The following NKAIN2 variants were observed in gnomAD, a reference collection of about 807,000 sequenced individuals.
The protein encoded by NKAIN2 is sodium/potassium-transporting ATPase subunit beta-1-interacting protein 2.
NKAIN2 carries 14 observed loss-of-function variants against 32.6 expected under a neutral mutation model. The observed-to-expected ratio is 0.43, with a 90% CI of 0.28 to 0.67. The LOEUF is 0.67. Among genes scored for constraint, NKAIN2 ranks in the 30% least tolerant of loss-of-function variants. The pLI is 0.17. For missense variants in NKAIN2, 198 were observed against 258.3 expected, an observed-to-expected ratio of 0.77 and a Z score of 1.60; for synonymous variants, 80 against 87.2, an observed-to-expected ratio of 0.92 and a Z score of 0.46.
At chr6:124,322,663 T>C (rs1797246952) in intron 2 of NKAIN2, among the ~76,000 whole-genome samples, 1 of 152,204 alleles carries the variant, frequency 6.6e-6, no homozygotes, top group Non-Finnish European at 1.5e-5. Flanking sequence ...AATTAAATAT[T>C]GTAGGACATT....
At chr6:124,664,161 GCTACT>G (rs1772645809) in intron 4 of NKAIN2, among the ~76,000 whole-genome samples, 1 of 151,878 alleles carries the variant, frequency 6.6e-6, no homozygotes, top group Non-Finnish European at 1.5e-5. Context: ...TGTCATCCCA[GCTACT>G]CGGGAGGCTG....
chr6:124,635,057 GAGAAAGAAAGAGAAAAAAGACAA>G (rs796496131), intron 3 of NKAIN2, among the ~76,000 whole-genome samples: 1,583 of 149,928 alleles, frequency 0.011, 30 homozygotes, highest in African/African-American at 0.037. Flanking sequence ...GAAGGAAAGA[GAGAAAGAAAGAGAAAAAAGACAA>G]AGAAAGAAAG....
chr6:124,551,191 AAAATTAAACTGGATAAGGGAAC>A (rs1168301579), intron 3 of NKAIN2, among the ~76,000 whole-genome samples: 3 of 152,218 alleles, frequency 2.0e-5, no homozygotes, highest in African/African-American at 7.2e-5. Context: ...GGTGGGCCAT[AAAATTAAACTGGATAAGGGAAC>A]ACACAGGGGA....
rs565263104 is a variant in NKAIN2, at chr6:124,801,509, A to G, written c.535+10110A>G. 2.0e-5 allele frequency among the ~76,000 whole-genome samples: 3 copies of G among 152,326 alleles called. No homozygotes were observed. In the South Asian group the frequency reaches 6.2e-4, roughly 32 times the overall value. ...TGTCAAGATTCGAAGTATACTTTCC[A>G]TGTCACTTCACTGTGATACCTGAGA... On this transcript the variant is annotated intron_variant, in intron 5 of 6. Transcript: ENST00000368417.
At chr6:124,356,377 T>C (rs778170041) in intron 3 of NKAIN2, among the ~76,000 whole-genome samples, 1 of 152,234 alleles carries the variant, frequency 6.6e-6, no homozygotes, top group Non-Finnish European at 1.5e-5. Context: ...TAGTTAACTG[T>C]GATATGTGGC....
chr6:124,675,061 A>G (rs1426515755), intron 4 of NKAIN2, among the ~76,000 whole-genome samples: 1 of 151,998 alleles, frequency 6.6e-6, no homozygotes, highest in Non-Finnish European at 1.5e-5. Context: ...GAGTGTTTTT[A>G]TCATGAAAAA....
At chr6:124,260,650 A>T (rs937401918) in intron 1 of NKAIN2, among the ~76,000 whole-genome samples, 1 of 152,030 alleles carries the variant, frequency 6.6e-6, no homozygotes, top group African/African-American at 2.4e-5. Flanking sequence ...GGTTCCTTTT[A>T]CTCTGACATG....
chr6:124,065,035 A>G (rs1054685131), intron 1 of NKAIN2, among the ~76,000 whole-genome samples: 1 of 152,096 alleles, frequency 6.6e-6, no homozygotes, highest in African/African-American at 2.4e-5. Flanking sequence ...GGACCATGAA[A>G]ATCCCACAGA....
intron 1 of NKAIN2, among the ~76,000 whole-genome samples, chr6:124,081,898 A>C (rs1489469755): frequency 1.3e-5 from 2 of 152,008 alleles, no homozygotes; most frequent in East Asian, 3.9e-4. Flanking sequence ...AGCAACAATC[A>C]TTAAATTAAA....
intron 5 of NKAIN2, among the ~76,000 whole-genome samples, chr6:124,796,266 G>A (rs902875282): frequency 2.0e-5 from 3 of 152,158 alleles, no homozygotes; most frequent in African/African-American, 7.2e-5. Context: ...TTATCCTGAG[G>A]CCTCTGTCTT....
intron 1 of NKAIN2, among the ~76,000 whole-genome samples, chr6:123,810,973 T>C (rs565703557): frequency 1.3e-5 from 2 of 152,308 alleles, no homozygotes; most frequent in South Asian, 4.1e-4. Flanking sequence ...TGCAGAGGCC[T>C]GGGCTAGGAC....
intron 2 of NKAIN2, among the ~76,000 whole-genome samples, chr6:124,320,800 G>A (rs993541269): frequency 1.3e-5 from 2 of 152,184 alleles, no homozygotes; most frequent in African/African-American, 4.8e-5. Context: ...TAGAAGTGTT[G>A]AACTTGAAGC....
chr6:124,355,282 G>C lies in NKAIN2; in HGVS notation c.208G>C (p.Val70Leu). The C allele has an allele frequency of 6.2e-7, 1 of 1,606,608 alleles. No individual in the cohort carries two copies. Among genetic ancestry groups the C allele is most frequent in the Non-Finnish European group, 8.5e-7 (1 of 1,173,304 alleles). The change falls in exon 3 of 7, where the codon GTC (valine) becomes CTC (leucine). Residue 70 changes from valine to leucine, a missense_variant. Transcript: ENST00000368417. The stretch of plus-strand genomic sequence containing the variant: ...TTCTCTACAGTATGCTGTCTGGCTA[G>C]TCCTCTGGGTTACGTGGAATGTGTT... ...RYITGYAVWL[V>L]LWVTWNVFVI...
chr6:124,340,569 T>A (rs780450821), intron 2 of NKAIN2, among the ~76,000 whole-genome samples: 3 of 152,170 alleles, frequency 2.0e-5, no homozygotes, highest in Non-Finnish European at 4.4e-5. Flanking sequence ...GCCTGCTGTT[T>A]CCTTCTTTGT....
At chr6:124,772,280 A>G (rs914428722) in intron 4 of NKAIN2, among the ~76,000 whole-genome samples, 5 of 152,128 alleles carry the variant, frequency 3.3e-5, no homozygotes, top group Non-Finnish European at 7.4e-5. Flanking sequence ...ATAGGTGTAA[A>G]CATTGTCAAT....
intron 4 of NKAIN2, among the ~76,000 whole-genome samples, chr6:124,699,880 C>T (rs1251983498): frequency 6.6e-6 from 1 of 152,082 alleles, no homozygotes; most frequent in African/African-American, 2.4e-5. Flanking sequence ...AAATTAGACT[C>T]TACATTCTGA....
At chr6:124,611,926 T>TA (rs1782705235) in intron 3 of NKAIN2, among the ~76,000 whole-genome samples, 1 of 152,158 alleles carries the variant, frequency 6.6e-6, no homozygotes, top group African/African-American at 2.4e-5. Flanking sequence ...CAATTTTTTT[T>TA]ATCAGCTTTA....
intron 6 of NKAIN2, among the ~76,000 whole-genome samples, chr6:124,822,471 C>A (rs1781431904): frequency 6.6e-6 from 1 of 152,140 alleles, no homozygotes; most frequent in South Asian, 2.1e-4. Flanking sequence ...TGTGGGGCTC[C>A]CACTGTTCCC....
At chr6:123,931,580 G>A (rs1776254811) in intron 1 of NKAIN2, among the ~76,000 whole-genome samples, 1 of 151,920 alleles carries the variant, frequency 6.6e-6, no homozygotes. Context: ...TAGCAGATGA[G>A]TAATATTGGA....
Sources: allele counts gnomAD v4.1 joint callset (sites outside exome capture counted in the v4.1 genomes callset), GRCh38; gene constraint gnomAD v4.1.1; transcripts MANE v1.5; gene names NCBI Gene and HGNC (gene_info 2026-07-23, HGNC 2026-07-21).